The following TRABD2B variants were observed in gnomAD, a reference collection of about 807,000 sequenced individuals.
TRABD2B encodes the protein TraB domain containing 2B, also known as metalloprotease TIKI2.
TRABD2B carries 14 observed loss-of-function variants against 40.1 expected under a neutral mutation model. That is an observed-to-expected ratio of 0.35 (90% CI 0.23 to 0.55). The LOEUF (loss-of-function observed/expected upper bound fraction) is 0.55, where lower values mean the gene tolerates loss of function less well. Ranked by LOEUF, TRABD2B falls within the 20% of genes least tolerant of loss-of-function variation. The pLI is 0.90. For missense variants in TRABD2B, 541 were observed against 648.6 expected (o/e 0.83, Z 1.80); for synonymous variants, 263 against 277.0 (o/e 0.95, Z 0.50).
intron 2 of TRABD2B, among the ~76,000 whole-genome samples, chr1:47,843,345 G>A (rs1411045317): frequency 6.6e-6 from 1 of 152,156 alleles, no homozygotes; most frequent in Non-Finnish European, 1.5e-5. Flanking sequence ...GTGAGCAGGG[G>A]TGTTCTGGAT....
chr1:47,811,983 G>A (rs189082061), intron 2 of TRABD2B, among the ~76,000 whole-genome samples: 184 of 152,332 alleles, frequency 1.2e-3, no homozygotes, highest in African/African-American at 4.1e-3. Flanking sequence ...AGAGCCCTGT[G>A]AGGACAGCAT....
intron 2 of TRABD2B, among the ~76,000 whole-genome samples, chr1:47,943,898 G>A (rs1338878058): frequency 1.3e-5 from 2 of 152,142 alleles, no homozygotes; most frequent in East Asian, 1.9e-4. Flanking sequence ...CACACCTACT[G>A]CCTGCCAGGC....
At chr1:47,827,067 G>A (rs938539560) in intron 2 of TRABD2B, among the ~76,000 whole-genome samples, 1 of 152,180 alleles carries the variant, frequency 6.6e-6, no homozygotes, top group African/African-American at 2.4e-5. Context: ...ATGAATGGGT[G>A]TGTGACTGTA....
intron 2 of TRABD2B, among the ~76,000 whole-genome samples, chr1:47,939,965 C>T (rs1051134181): frequency 1.3e-5 from 2 of 152,196 alleles, no homozygotes; most frequent in African/African-American, 4.8e-5. Flanking sequence ...CCTTGCAGAG[C>T]TCCCAATGCC....
chr1:47,781,376 G>C (rs902009939), intron 4 of TRABD2B, among the ~76,000 whole-genome samples: 1 of 152,170 alleles, frequency 6.6e-6, no homozygotes, highest in Non-Finnish European at 1.5e-5. Context: ...ACTGCTGCGC[G>C]GCTGCTCCAA....
chr1:47,790,291 G>A (rs1329307995), intron 4 of TRABD2B, among the ~76,000 whole-genome samples: 1 of 152,168 alleles, frequency 6.6e-6, no homozygotes, highest in Non-Finnish European at 1.5e-5. Context: ...GACAGAAAAT[G>A]GGCTTTTCCT....
At chr1:47,873,935 T>C (rs1407483634) in intron 2 of TRABD2B, among the ~76,000 whole-genome samples, 3 of 152,224 alleles carry the variant, frequency 2.0e-5, no homozygotes, top group Non-Finnish European at 2.9e-5. Context: ...ACATGGGTTA[T>C]GAGAGGACAC....
In TRABD2B at chr1:47,997,157, A is replaced by C. The variant is rs1646105868; in HGVS notation, c.-368T>G. On this transcript the variant is annotated 5_prime_UTR_variant, in exon 1 of 7. Transcript: ENST00000606738. ...CAGAACCGAGAACCCGGGGTGCGCA[A>C]GGGTCCCGGGGTTATGCTGGGCACC... 3 of 982,542 alleles carry C rather than the reference A, an allele frequency of 3.1e-6. No individual in the cohort carries two copies. The South Asian group carries it at 1.4e-4, about 46-fold the overall frequency. 60.9% of individuals were successfully genotyped at this position (982,542 alleles called of 1,614,324 possible).
intron 2 of TRABD2B, among the ~76,000 whole-genome samples, chr1:47,967,337 ACACACACACACACACAC>A (rs1645618379): frequency 1.0e-3 from 1 of 970 alleles, no homozygotes; most frequent in Non-Finnish European, 2.0e-3. Flanking sequence ...AAGCAAGAAA[ACACACACACACACACAC>A]ACACACACAC....
intron 2 of TRABD2B, among the ~76,000 whole-genome samples, chr1:47,937,466 CACT>C (rs1488625963): frequency 3.9e-5 from 6 of 152,176 alleles, no homozygotes; most frequent in East Asian, 3.9e-4. Context: ...TCATCACCAC[CACT>C]GTCACTATCA....
chr1:47,831,175 A>G (rs1240179680), intron 2 of TRABD2B, among the ~76,000 whole-genome samples: 1 of 151,928 alleles, frequency 6.6e-6, no homozygotes, highest in Non-Finnish European at 1.5e-5. Context: ...TTGTCTGGAG[A>G]CGGGGGGCAA....
In TRABD2B at chr1:47,993,892, G is replaced by A. The variant is rs973160209; in HGVS notation, c.666+142C>T. 8 of 826,336 alleles carry A rather than the reference G, an allele frequency of 9.7e-6. No homozygotes were observed. The highest frequency in any genetic ancestry group is 6.9e-5 in the African/African-American group (4 of 58,026). The allele number at this position is 826,336 out of a possible 1,614,324, so 51.2% of individuals were successfully genotyped here. A position where few individuals can be genotyped will look rare whatever the true frequency, so the allele number is the denominator to read the frequency against. ...CACCAGAGCAGCCAGGTGCTGCCTC[G>A]CTGCCCAGCAGAACCTCTCCTTCCA... is the stretch of plus-strand genomic sequence containing the variant. On this transcript the variant is annotated intron_variant, in intron 2 of 6. Coordinates refer to ENST00000606738, the MANE Select transcript of TRABD2B (RefSeq NM_001194986.2).
intron 2 of TRABD2B, 41 bp from the exon 3 acceptor site, chr1:47,801,660 G>T: frequency 1.3e-6 from 2 of 1,528,542 alleles, no homozygotes; most frequent in Non-Finnish European, 8.8e-7. Context: ...CTGTGCTCAG[G>T]GACCCTGGCT....
Position 47,765,728 on chromosome 1 carries a change from C to T in TRABD2B, c.*174G>A, listed in dbSNP as rs575902721. On this transcript the variant is annotated 3_prime_UTR_variant, in exon 7 of 7. Transcript: ENST00000606738. ...AGCACTATGGGAAATTAAGATCCTTCTACAAAAAAGAAGATGTAACTTGGG... is the reference window on the plus strand; with the variant it reads ...AGCACTATGGGAAATTAAGATCCTTTTACAAAAAAGAAGATGTAACTTGGG... 9.9e-4 allele frequency: 620 copies of T among 628,626 alleles called. 2 individuals carry two copies. The highest frequency in any genetic ancestry group is 1.6e-3 in the Non-Finnish European group (551 of 350,516). The allele number at this position is 628,626 out of a possible 1,614,324, so 38.9% of individuals were successfully genotyped here.
At chr1:47,834,567 A>ACACACACG (rs1645292969) in intron 2 of TRABD2B, among the ~76,000 whole-genome samples, 1 of 128,376 alleles carries the variant, frequency 7.8e-6, no homozygotes, top group African/African-American at 3.0e-5. Context: ...GCTCCAACAC[A>ACACACACG]CACACACACG....
intron 4 of TRABD2B, among the ~76,000 whole-genome samples, chr1:47,786,562 G>A (rs1321348485): frequency 6.6e-6 from 1 of 152,246 alleles, no homozygotes; most frequent in African/African-American, 2.4e-5. Context: ...ATGCATGCGT[G>A]GTGGGGTGGC....
At chr1:47,870,324 T>C (rs1403169329) in intron 2 of TRABD2B, among the ~76,000 whole-genome samples, 1 of 152,130 alleles carries the variant, frequency 6.6e-6, no homozygotes, top group Non-Finnish European at 1.5e-5. Context: ...TGTTCTTGCA[T>C]TACACAGAGA....
intron 2 of TRABD2B, among the ~76,000 whole-genome samples, chr1:47,832,838 C>T (rs550434513): frequency 1.3e-5 from 2 of 152,078 alleles, no homozygotes; most frequent in Admixed American, 6.6e-5. Context: ...GGGGGAGGCA[C>T]GGGAGCTTGT....
At chr1:47,975,098 G>T (rs544111542) in intron 2 of TRABD2B, among the ~76,000 whole-genome samples, 1 of 152,056 alleles carries the variant, frequency 6.6e-6, no homozygotes, top group South Asian at 2.1e-4. Context: ...ATAAGATCCT[G>T]GATTAAAAAA....
Sources: allele counts gnomAD v4.1 joint callset (sites outside exome capture counted in the v4.1 genomes callset), GRCh38; gene constraint gnomAD v4.1.1; transcripts MANE v1.5; gene names NCBI Gene and HGNC (gene_info 2026-07-23, HGNC 2026-07-21).